CEP128: variants seen among roughly 807,000 people sequenced by gnomAD.
The protein encoded by CEP128 is centrosomal protein 128, also known as centrosomal protein 128kDa.
CEP128 carries 132 observed loss-of-function variants against 156.7 expected under a neutral mutation model. The observed-to-expected ratio is 0.84, with a 90% CI of 0.73 to 0.97. The LOEUF (loss-of-function observed/expected upper bound fraction) is 0.97. Among genes scored for constraint, CEP128 ranks in the 50% least tolerant of loss-of-function variants. CEP128 has a pLI of 0.00. For missense variants in CEP128, 1,252 were observed against 1,281.9 expected, an observed-to-expected ratio of 0.98 and a Z score of 0.36; for synonymous variants, 469 against 448.9, an observed-to-expected ratio of 1.04 and a Z score of -0.57.
intron 21 of CEP128, among the ~76,000 whole-genome samples, chr14:80,546,849 T>C (rs1015297078): frequency 2.0e-5 from 3 of 152,216 alleles, no homozygotes; most frequent in Non-Finnish European, 4.4e-5. Context: ...CAGTTTGGCC[T>C]TTTACTGTTT....
intron 2 of CEP128, among the ~76,000 whole-genome samples, chr14:80,951,005 T>C (rs1394222767): frequency 1.3e-5 from 2 of 151,394 alleles, no homozygotes; most frequent in African/African-American, 2.4e-5. Flanking sequence ...AATGAAGCAA[T>C]GTTTTTAAAG....
Position 80,793,005 on chromosome 14 carries a change from G to C in CEP128, c.1315C>G (p.His439Asp). The C allele has an allele frequency of 1.2e-6, 2 of 1,614,188 alleles. No homozygotes were observed. Among genetic ancestry groups the C allele is most frequent in the Non-Finnish European group, 1.7e-6 (2 of 1,180,030 alleles). Residue 439 changes from histidine to aspartate, a missense_variant, in exon 14 of 25, where the codon CAT (histidine) becomes GAT (aspartate). By Grantham distance (81) the His-to-Asp change is moderately conservative. Transcript: ENST00000555265. Reference sequence around the variant, plus strand: ...AGCTCTGAGATCTGAAGGTCAGCATGCTTACGCTCGGCCTCACATGTGTCA... The same window carrying C: ...AGCTCTGAGATCTGAAGGTCAGCATCCTTACGCTCGGCCTCACATGTGTCA... ...HFDTCEAERK[H>D]ADLQISELTR... is the part of the protein sequence containing the mutation.
chr14:80,836,481 C>T, intron 11 of CEP128, 144 bp from the exon 12 acceptor site: 1 of 786,228 alleles, frequency 1.3e-6, no homozygotes, highest in Non-Finnish European at 2.0e-6. Context: ...TTCCTCATTC[C>T]TCTCATCTCT....
chr14:80,801,572 C>G (rs1883856588), intron 13 of CEP128, among the ~76,000 whole-genome samples: 1 of 152,008 alleles, frequency 6.6e-6, no homozygotes, highest in African/African-American at 2.4e-5. Flanking sequence ...ACAGACACTT[C>G]TCAAAAGACA....
chr14:80,818,556 C>A (rs891307425), intron 13 of CEP128, among the ~76,000 whole-genome samples: 1 of 152,234 alleles, frequency 6.6e-6, no homozygotes, highest in Non-Finnish European at 1.5e-5. Context: ...GAACCAAAGA[C>A]AGCCATCTAG....
chr14:80,715,553 T>C (rs1815091327), intron 19 of CEP128, among the ~76,000 whole-genome samples: 1 of 152,136 alleles, frequency 6.6e-6, no homozygotes. Context: ...GAAGGCCTCC[T>C]TGTGGAGGTG....
chr14:80,840,786 G>GA lies in CEP128; in HGVS notation c.763-19dup. 2 of 1,506,656 alleles carry GA rather than the reference G, an allele frequency of 1.3e-6. No homozygotes were observed. Among genetic ancestry groups the GA allele is most frequent in the Non-Finnish European group, 1.8e-6 (2 of 1,087,316 alleles). The allele number at this position is 1,506,656 out of a possible 1,614,324, so 93.3% of individuals were successfully genotyped here. A position where few individuals can be genotyped will look rare whatever the true frequency, so the allele number is the denominator to read the frequency against. On this transcript the variant is annotated intron_variant, in intron 9 of 24. Transcript: ENST00000555265. ...TTTAGTGCCTGGAATGAAAGAGGTG[G>GA]AAAAAAATTATCCCAAAATATGTAC...
intron 19 of CEP128, among the ~76,000 whole-genome samples, chr14:80,708,684 CCT>C (rs1897303529): frequency 6.6e-6 from 1 of 151,986 alleles, no homozygotes; most frequent in Admixed American, 6.6e-5. Flanking sequence ...ATCTTTACTC[CCT>C]GATTGCCTCT....
chr14:80,604,012 A>G (rs1892683249), intron 19 of CEP128, among the ~76,000 whole-genome samples: 2 of 152,212 alleles, frequency 1.3e-5, no homozygotes, highest in Admixed American at 6.5e-5. Context: ...TTACAGGTAA[A>G]AACAAAAAGT....
At chr14:80,541,182 G>C (rs896841121) in intron 21 of CEP128, among the ~76,000 whole-genome samples, 1 of 152,068 alleles carries the variant, frequency 6.6e-6, no homozygotes, top group African/African-American at 2.4e-5. Context: ...TGGGAAAACA[G>C]TATCTGAACA....
chr14:80,786,918 G>A (rs1901438841), intron 14 of CEP128, among the ~76,000 whole-genome samples: 1 of 152,046 alleles, frequency 6.6e-6, no homozygotes, highest in African/African-American at 2.4e-5. Context: ...GACCAGCCTG[G>A]GCAACATAGC....
intron 19 of CEP128, among the ~76,000 whole-genome samples, chr14:80,692,653 T>C (rs1480033701): frequency 6.6e-6 from 1 of 152,174 alleles, no homozygotes; most frequent in African/African-American, 2.4e-5. Context: ...ACAAATTTTA[T>C]TCAATAAATA....
chr14:80,503,374 T>C (rs969304969), intron 24 of CEP128, among the ~76,000 whole-genome samples: 3 of 152,198 alleles, frequency 2.0e-5, no homozygotes, highest in Admixed American at 6.5e-5. Flanking sequence ...GGTCATGAAA[T>C]GCTAGTGTTG....
chr14:80,478,697 C>T (rs556310875), intron 14 of CEP128, among the ~76,000 whole-genome samples: 5 of 152,182 alleles, frequency 3.3e-5, no homozygotes, highest in South Asian at 4.2e-4. Context: ...AAAGCTCTTC[C>T]GAATACTGTT....
chr14:80,560,314 A>G (rs1476323029), intron 20 of CEP128, among the ~76,000 whole-genome samples: 1 of 152,128 alleles, frequency 6.6e-6, no homozygotes, highest in Non-Finnish European at 1.5e-5. Context: ...AATCCCACCT[A>G]CTCAGGAGGC....
chr14:80,642,803 T>C (rs1161670162), intron 19 of CEP128, among the ~76,000 whole-genome samples: 3 of 151,912 alleles, frequency 2.0e-5, no homozygotes, highest in Non-Finnish European at 4.4e-5. Flanking sequence ...TCACCCAGGC[T>C]GGAATGCGGC....
chr14:80,580,450 C>T (rs530858163), intron 19 of CEP128, 27 bp from the exon 20 acceptor site: 2 of 1,461,794 alleles, frequency 1.4e-6, no homozygotes, highest in East Asian at 4.6e-5. Flanking sequence ...AAATACCCAT[C>T]AAAATACAAT....
At chr14:80,648,540 C>A (rs1042346046) in intron 19 of CEP128, among the ~76,000 whole-genome samples, 2 of 151,830 alleles carry the variant, frequency 1.3e-5, no homozygotes, top group Admixed American at 6.6e-5. Context: ...CAACCTTTCC[C>A]TAAAGGAGAA....
chr14:80,556,668 T>C (rs752013386), intron 21 of CEP128, among the ~76,000 whole-genome samples: 57 of 152,176 alleles, frequency 3.7e-4, no homozygotes, highest in Admixed American at 2.6e-3. Flanking sequence ...ATCAATCTAC[T>C]GTAAATACTC....
Sources: gnomAD v4.1 joint callset for allele counts (sites outside exome capture counted in the v4.1 genomes callset) on GRCh38, gnomAD v4.1.1 for gene constraint, MANE v1.5 for transcripts, NCBI Gene and HGNC (gene_info 2026-07-23, HGNC 2026-07-21) for gene names.